Variants in SUPT3H observed in about 807,000 individuals in gnomAD.
SUPT3H encodes the protein transcription initiation protein SPT3 homolog.
SUPT3H carries 44 observed loss-of-function variants against 44.3 expected under a neutral mutation model. The ratio of observed to expected loss-of-function variants is 0.99; its 90% CI spans 0.78 to 1.28. The LOEUF (loss-of-function observed/expected upper bound fraction) is 1.28. SUPT3H is among the 50% of genes most tolerant of loss of function. The pLI is 0.00. For missense variants in SUPT3H, 380 were observed against 387.1 expected (o/e 0.98, Z 0.15); for synonymous variants, 124 against 125.6 (o/e 0.99, Z 0.09).
intron 2 of SUPT3H, among the ~76,000 whole-genome samples, chr6:45,198,201 A>T (rs1235756400): frequency 6.6e-6 from 1 of 151,420 alleles, no homozygotes; most frequent in Non-Finnish European, 1.5e-5. Flanking sequence ...AAAATATTTT[A>T]AAAATAGCTT....
At chr6:45,141,503 AAAATCATTAAAATG>A (rs964616636) in intron 2 of SUPT3H, among the ~76,000 whole-genome samples, 1 of 151,976 alleles carries the variant, frequency 6.6e-6, no homozygotes, top group Admixed American at 6.6e-5. Context: ...GAAAAGAAAA[AAAATCATTAAAATG>A]AAGACTTCTG....
chr6:45,058,301 T>C (rs1791452797), intron 3 of SUPT3H, among the ~76,000 whole-genome samples: 1 of 152,126 alleles, frequency 6.6e-6, no homozygotes, highest in African/African-American at 2.4e-5. Flanking sequence ...AATTGATTTC[T>C]TATAGTCAAG....
At chr6:44,837,832 A>T (rs2153414275) in intron 10 of SUPT3H, among the ~76,000 whole-genome samples, 1 of 152,152 alleles carries the variant, frequency 6.6e-6, no homozygotes, top group Non-Finnish European at 1.5e-5. Context: ...AGATAATATA[A>T]TTTTTTTTAC....
chr6:45,365,471 A>C (rs1475322048), intron 1 of SUPT3H, among the ~76,000 whole-genome samples, 170 bp from the exon 2 acceptor site: 2 of 151,994 alleles, frequency 1.3e-5, no homozygotes, highest in Non-Finnish European at 2.9e-5. Context: ...TTAAAATGAA[A>C]TAGCAAGGTG....
intron 2 of SUPT3H, among the ~76,000 whole-genome samples, chr6:45,202,287 G>A (rs1328962429): frequency 6.6e-6 from 1 of 151,514 alleles, no homozygotes; most frequent in South Asian, 2.1e-4. Flanking sequence ...TCCTTGGAAC[G>A]TTTACAAAAT....
intron 3 of SUPT3H, among the ~76,000 whole-genome samples, chr6:45,099,784 A>C (rs938913930): frequency 1.2e-4 from 19 of 152,340 alleles, no homozygotes; most frequent in Non-Finnish European, 2.5e-4. Flanking sequence ...AAAACCATTC[A>C]AAACAGTAAA....
chr6:44,964,885 A>T (rs1776568341), intron 6 of SUPT3H, among the ~76,000 whole-genome samples: 1 of 152,188 alleles, frequency 6.6e-6, no homozygotes, highest in South Asian at 2.1e-4. Flanking sequence ...AATCTCTTCA[A>T]TTCAAAGGGA....
chr6:44,853,949 G>GC (rs1202554111), intron 10 of SUPT3H, among the ~76,000 whole-genome samples: 2 of 151,016 alleles, frequency 1.3e-5, no homozygotes, highest in Non-Finnish European at 2.9e-5. Context: ...AGCTTTTCCT[G>GC]CATCAGCTGG....
intron 2 of SUPT3H, among the ~76,000 whole-genome samples, chr6:45,288,585 ATATATATATATGTG>A (rs1562882710): frequency 0.014 from 523 of 36,752 alleles, 5 homozygotes; most frequent in African/African-American, 0.019. Flanking sequence ...ATATATATGT[ATATATATATATGTG>A]TATATATATA....
intron 4 of SUPT3H, among the ~76,000 whole-genome samples, chr6:45,017,003 C>G (rs1285601132): frequency 6.0e-5 from 9 of 150,276 alleles, no homozygotes; most frequent in South Asian, 2.1e-4. Context: ...TCTCCAGCAC[C>G]TGTTGTTTCC....
chr6:44,938,629 T>C (rs1053816541), intron 9 of SUPT3H, among the ~76,000 whole-genome samples: 5 of 152,184 alleles, frequency 3.3e-5, no homozygotes, highest in Non-Finnish European at 5.9e-5. Context: ...GGTATTTTGA[T>C]AGAGATTGCA....
intron 2 of SUPT3H, among the ~76,000 whole-genome samples, chr6:45,145,465 A>C (rs912876864): frequency 2.0e-5 from 3 of 152,188 alleles, no homozygotes; most frequent in African/African-American, 7.2e-5. Flanking sequence ...GGCAAGCTAC[A>C]TGTAGAAGAC....
intron 11 of SUPT3H, among the ~76,000 whole-genome samples, chr6:44,817,830 A>T (rs1379462909): frequency 1.3e-5 from 2 of 152,210 alleles, no homozygotes; most frequent in African/African-American, 2.4e-5. Context: ...AGAAAAATTT[A>T]AAAAGACCTT....
chr6:45,189,023 A>G (rs1030080430), intron 2 of SUPT3H, among the ~76,000 whole-genome samples: 3 of 152,004 alleles, frequency 2.0e-5, no homozygotes, highest in African/African-American at 7.3e-5. Flanking sequence ...GGTGGTCTTG[A>G]ACTCACGGGC....
chr6:44,860,693 G>T (rs1254510687), intron 10 of SUPT3H, among the ~76,000 whole-genome samples: 1 of 152,130 alleles, frequency 6.6e-6, no homozygotes, highest in Non-Finnish European at 1.5e-5. Flanking sequence ...AAAACTCCCT[G>T]TATCTAATTC....
At chr6:45,331,218 CTG>C in intron 2 of SUPT3H, among the ~76,000 whole-genome samples, 1 of 152,074 alleles carries the variant, frequency 6.6e-6, no homozygotes, top group African/African-American at 2.4e-5. Context: ...AATTTTCAAT[CTG>C]TACTACTCAA....
chr6:45,236,034 T>C (rs1178939502), intron 2 of SUPT3H, among the ~76,000 whole-genome samples: 1 of 152,182 alleles, frequency 6.6e-6, no homozygotes, highest in African/African-American at 2.4e-5. Flanking sequence ...AGGAATACTT[T>C]TAGTTAATCT....
chr6:45,105,197 T>C (rs1799102972), intron 3 of SUPT3H, among the ~76,000 whole-genome samples: 1 of 151,796 alleles, frequency 6.6e-6, no homozygotes, highest in South Asian at 2.1e-4. Flanking sequence ...TAAAACTGAG[T>C]TCCCATTTGA....
intron 10 of SUPT3H, among the ~76,000 whole-genome samples, chr6:44,889,183 C>A (rs1762850972): frequency 6.6e-6 from 1 of 151,998 alleles, no homozygotes; most frequent in Non-Finnish European, 1.5e-5. Flanking sequence ...TGAAAATGGC[C>A]ATACTGTCCA....
Sources: allele counts gnomAD v4.1 joint callset (sites outside exome capture counted in the v4.1 genomes callset), GRCh38; gene constraint gnomAD v4.1.1; transcripts MANE v1.5; gene names NCBI Gene and HGNC (gene_info 2026-07-23, HGNC 2026-07-21).